Variants in CDH13 observed in about 807,000 individuals in gnomAD.
The protein encoded by CDH13 is cadherin 13.
Under a neutral mutation model 63.8 loss-of-function variants are expected in CDH13, and 24 were observed. The observed-to-expected ratio is 0.38, with a 90% confidence interval of 0.27 to 0.53. The LOEUF is 0.53. Among genes scored for constraint, CDH13 ranks in the 20% least tolerant of loss-of-function variants. CDH13 has a pLI of 0.85. For synonymous variants in CDH13, 503 were observed against 355.3 expected (o/e 1.42, Z -4.67); for missense variants, 1,049 against 903.1 (o/e 1.16, Z -2.07).
intron 10 of CDH13, among the ~76,000 whole-genome samples, chr16:83,684,109 G>A (rs1402396911): frequency 6.6e-6 from 1 of 152,214 alleles, no homozygotes; most frequent in Non-Finnish European, 1.5e-5. Flanking sequence ...GCTCACACCT[G>A]TAATCCCAAT....
At chr16:83,479,130 T>C (rs1252101442) in intron 6 of CDH13, among the ~76,000 whole-genome samples, 1 of 152,196 alleles carries the variant, frequency 6.6e-6, no homozygotes, top group East Asian at 1.9e-4. Context: ...AGGAAGCGGA[T>C]GCATGCATAT....
At chr16:83,526,224 G>T (rs1054712490) in intron 7 of CDH13, among the ~76,000 whole-genome samples, 1 of 152,144 alleles carries the variant, frequency 6.6e-6, no homozygotes, top group East Asian at 1.9e-4. Flanking sequence ...GGGGGCGGTG[G>T]TGGTTATTGT....
intron 2 of CDH13, chr16:82,858,743 G>A (rs1418365887): frequency 1.0e-5 from 6 of 587,448 alleles, no homozygotes; most frequent in Admixed American, 5.9e-5. Flanking sequence ...AGCCTCCAAT[G>A]AGAGTTGTAC....
intron 2 of CDH13, among the ~76,000 whole-genome samples, chr16:82,989,522 T>C (rs1911386281): frequency 6.6e-6 from 1 of 152,166 alleles, no homozygotes; most frequent in Non-Finnish European, 1.5e-5. Context: ...GCCTGAAGGC[T>C]GGGAATCCAG....
rs1181565079 is a variant in CDH13 at position 83,748,198 on chromosome 16, C to A, written c.1629C>A (p.Ser543=). ...VDTTAVLDRE[S]PFVDNSVYTA... ...CCACAGCTGTGCTGGACCGTGAGTC[C>A]CCATTTGTCGACAACAGCGTGTACA... Residue 543 remains serine, a synonymous_variant, in exon 11 of 14, where the codon TCC becomes TCA. Coordinates refer to ENST00000567109, the MANE Select transcript of CDH13 (RefSeq NM_001257.5). 3.1e-6 allele frequency: 5 copies of A among 1,613,822 alleles called. No individual in the cohort carries two copies. In the African/African-American group the frequency reaches 6.7e-5, roughly 22 times the overall value.
At chr16:82,860,169 T>G (rs1280819305) in intron 2 of CDH13, among the ~76,000 whole-genome samples, 1 of 152,166 alleles carries the variant, frequency 6.6e-6, no homozygotes, top group Non-Finnish European at 1.5e-5. Context: ...GCATCTATGT[T>G]AACATGCTTG....
intron 3 of CDH13, among the ~76,000 whole-genome samples, chr16:83,063,799 C>G (rs2031782217): frequency 6.6e-6 from 1 of 152,130 alleles, no homozygotes; most frequent in Non-Finnish European, 1.5e-5. Flanking sequence ...TCTGGAGGCT[C>G]CAAGGAGCAT....
chr16:82,953,951 G>C (rs897974442), intron 2 of CDH13: 1 of 152,160 alleles, frequency 6.6e-6, no homozygotes, highest in African/African-American at 2.4e-5. Flanking sequence ...ATAGACCTAG[G>C]AGGAATGCAC....
At chr16:83,607,254 C>T (rs1048243316) in intron 8 of CDH13, among the ~76,000 whole-genome samples, 13 of 151,938 alleles carry the variant, frequency 8.6e-5, no homozygotes, top group African/African-American at 3.1e-4. Context: ...CCTGTCTCTA[C>T]TAAAAATACA....
intron 3 of CDH13, among the ~76,000 whole-genome samples, chr16:83,079,432 G>T (rs2033083642): frequency 6.6e-6 from 1 of 152,126 alleles, no homozygotes; most frequent in Non-Finnish European, 1.5e-5. Context: ...CAATTTATCT[G>T]AGCTCAAGCT....
At chr16:83,013,444 A>G (rs1211597609) in intron 2 of CDH13, among the ~76,000 whole-genome samples, 2 of 152,186 alleles carry the variant, frequency 1.3e-5, no homozygotes, top group African/African-American at 4.8e-5. Context: ...CGCAGCTGCC[A>G]TAAACAAACC....
In CDH13 at chr16:82,644,277, T is replaced by C. The variant is rs1367395678; in HGVS notation, c.45+17140T>C. On this transcript the variant is annotated intron_variant, in intron 1 of 13. Coordinates refer to ENST00000567109, the MANE Select transcript of CDH13 (RefSeq NM_001257.5). This position sits in a 1 kb window ranked among gnomAD's most constrained non-coding sequence, Gnocchi z 5.7. ...AGGCTGGGAAAGGAGCTCCCACTTC[T>C]TACATTCAGTGCTCATCACTCTGCA... Among the ~76,000 whole-genome samples the C allele has an allele frequency of 1.3e-5, 2 of 152,058 alleles. No individual in the cohort carries two copies. The highest frequency in any genetic ancestry group is 2.9e-5 in the Non-Finnish European group (2 of 68,004).
chr16:82,648,413 G>A (rs1233297865), intron 1 of CDH13, among the ~76,000 whole-genome samples: 2 of 152,134 alleles, frequency 1.3e-5, no homozygotes, highest in Non-Finnish European at 2.9e-5. Flanking sequence ...TCTGCAAATA[G>A]GTTAGATTTC....
chr16:83,531,156 CTA>C (rs2075075055), intron 7 of CDH13, among the ~76,000 whole-genome samples: 1 of 152,154 alleles, frequency 6.6e-6, no homozygotes, highest in African/African-American at 2.4e-5. Flanking sequence ...TGGGTAACAC[CTA>C]TGTTAAATCA....
In CDH13 at chr16:83,089,330, A is replaced by G. The variant is rs926118022; in HGVS notation, c.367-36055A>G. On this transcript the variant is annotated intron_variant, in intron 3 of 13. Coordinates refer to ENST00000567109, the MANE Select transcript of CDH13 (RefSeq NM_001257.5). ...AAAGATATTTTACGTTGTATAATTG[A>G]TGTCATGGCCATATTGTTTAATCAT... 1.1e-4 allele frequency among the ~76,000 whole-genome samples: 17 copies of G among 152,212 alleles called. 1 individual carries two copies. Among genetic ancestry groups the G allele is most frequent in the African/African-American group, 4.1e-4 (17 of 41,458 alleles).
intron 6 of CDH13, among the ~76,000 whole-genome samples, chr16:83,457,146 C>T (rs1470830614): frequency 1.3e-5 from 2 of 152,174 alleles, no homozygotes; most frequent in Non-Finnish European, 2.9e-5. Flanking sequence ...TGCCACGTCC[C>T]TGGTATGACC....
At chr16:83,338,322 T>C (rs75263418) in intron 5 of CDH13, among the ~76,000 whole-genome samples, 2,581 of 152,100 alleles carry the variant, frequency 0.017, 32 homozygotes, top group African/African-American at 0.037. Context: ...TCAGCTGTAA[T>C]ATGCCGGAGA....
intron 1 of CDH13, among the ~76,000 whole-genome samples, chr16:82,747,633 G>C (rs2034237184): frequency 6.6e-6 from 1 of 152,188 alleles, no homozygotes; most frequent in Non-Finnish European, 1.5e-5. Flanking sequence ...GATGGCTAGA[G>C]TTTGAGGACC....
intron 8 of CDH13, among the ~76,000 whole-genome samples, chr16:83,647,648 A>C (rs1911960948): frequency 6.6e-6 from 1 of 152,198 alleles, no homozygotes; most frequent in Non-Finnish European, 1.5e-5. Flanking sequence ...AGGAAAATTG[A>C]CAGATTTTTC....
Sources: gnomAD v4.1 joint callset for allele counts (sites outside exome capture counted in the v4.1 genomes callset) on GRCh38, gnomAD v4.1.1 for gene constraint, Gnocchi (gnomAD v3.1) non-coding constraint, MANE v1.5 for transcripts, NCBI Gene and HGNC (gene_info 2026-07-23, HGNC 2026-07-21) for gene names.